ADAMTSL1: variants seen among roughly 807,000 people sequenced by gnomAD.
The protein encoded by ADAMTSL1 is ADAMTS like 1.
A neutral mutation model predicts 201.8 loss-of-function variants in ADAMTSL1; 126 were observed. The observed-to-expected ratio is 0.62, with a 90% CI of 0.54 to 0.72. The LOEUF (loss-of-function observed/expected upper bound fraction) is 0.72, where lower values mean the gene tolerates loss of function less well. ADAMTSL1 is among the 30% of genes least tolerant of loss of function. The probability of loss-of-function intolerance (pLI) is 0.00; values close to 1 mark genes in which losing one functional copy is unlikely to be tolerated. For missense variants in ADAMTSL1, 2,679 were observed against 2,277.8 expected (o/e 1.18, Z -3.59); for synonymous variants, 1,121 against 903.4 (o/e 1.24, Z -4.32).
chr9:18,243,997 T>C (rs1302232843), intron 2 of ADAMTSL1, among the ~76,000 whole-genome samples: 2 of 152,106 alleles, frequency 1.3e-5, no homozygotes, highest in African/African-American at 4.8e-5. Flanking sequence ...ACCTCTGATA[T>C]GATTTTGCAT....
At chr9:18,294,964 C>A (rs1299872944) in intron 2 of ADAMTSL1, among the ~76,000 whole-genome samples, 3 of 152,124 alleles carry the variant, frequency 2.0e-5, no homozygotes, top group Admixed American at 2.0e-4. Flanking sequence ...TGCTCTCTTT[C>A]TCCCTTCCTC....
chr9:18,352,516 T>C (rs947177735), intron 2 of ADAMTSL1, among the ~76,000 whole-genome samples: 1 of 152,224 alleles, frequency 6.6e-6, no homozygotes, highest in African/African-American at 2.4e-5. Flanking sequence ...GTCTTCTCTC[T>C]GGACAGCCAG....
chr9:18,331,746 A>G (rs1017526209), intron 2 of ADAMTSL1, among the ~76,000 whole-genome samples: 1 of 152,200 alleles, frequency 6.6e-6, no homozygotes, highest in Non-Finnish European at 1.5e-5. Context: ...TAGCTTTCCT[A>G]AATCAGATGC....
At chr9:18,201,702 T>C (rs940432548) in intron 2 of ADAMTSL1, among the ~76,000 whole-genome samples, 6 of 152,122 alleles carry the variant, frequency 3.9e-5, no homozygotes, top group Admixed American at 2.0e-4. Context: ...CTCATTCTTA[T>C]AGTGTAATAT....
At chr9:17,961,948 A>G (rs1343810309) in intron 1 of ADAMTSL1, among the ~76,000 whole-genome samples, 1 of 152,192 alleles carries the variant, frequency 6.6e-6, no homozygotes, top group African/African-American at 2.4e-5. Context: ...ATCCAAAAAC[A>G]TAGTAGCATT....
chr9:18,712,997 C>T (rs907049319), intron 14 of ADAMTSL1, among the ~76,000 whole-genome samples: 5 of 151,634 alleles, frequency 3.3e-5, no homozygotes, highest in East Asian at 1.9e-4. Flanking sequence ...TCCAGCCAAA[C>T]TAAGCTTCAT....
chr9:18,808,892 G>A (rs192394345), intron 20 of ADAMTSL1, among the ~76,000 whole-genome samples: 13 of 152,300 alleles, frequency 8.5e-5, no homozygotes, highest in African/African-American at 3.1e-4. Flanking sequence ...CTGAGTCTGA[G>A]TTCTTTGTGT....
At chr9:18,175,829 G>T (rs2132146943) in intron 2 of ADAMTSL1, among the ~76,000 whole-genome samples, 1 of 151,990 alleles carries the variant, frequency 6.6e-6, no homozygotes, top group African/African-American at 2.4e-5. Flanking sequence ...CTGCCTGGAA[G>T]ACTCTACACA....
intron 4 of ADAMTSL1, among the ~76,000 whole-genome samples, chr9:18,577,829 A>G (rs1189254341): frequency 6.6e-6 from 1 of 152,176 alleles, no homozygotes; most frequent in African/African-American, 2.4e-5. Flanking sequence ...TAAAAAAAAC[A>G]AAAAGAGACC....
At chr9:18,778,138 A>G (rs1304559146) in intron 19 of ADAMTSL1, among the ~76,000 whole-genome samples, 1 of 152,262 alleles carries the variant, frequency 6.6e-6, no homozygotes, top group African/African-American at 2.4e-5. Flanking sequence ...GGAAATAGCA[A>G]CATTGCCTAC....
At chr9:18,464,712 C>T (rs1820935345) in intron 2 of ADAMTSL1, among the ~76,000 whole-genome samples, 1 of 152,188 alleles carries the variant, frequency 6.6e-6, no homozygotes, top group Admixed American at 6.5e-5. Context: ...TTCATAATTA[C>T]AGTGTTTTAT....
intron 15 of ADAMTSL1, among the ~76,000 whole-genome samples, chr9:18,740,626 A>C (rs529839852): frequency 6.6e-6 from 1 of 151,518 alleles, no homozygotes; most frequent in African/African-American, 2.4e-5. Flanking sequence ...ACAGGCACAC[A>C]ACACCAAGCC....
chr9:18,152,122 A>G (rs1335631095), intron 1 of ADAMTSL1, among the ~76,000 whole-genome samples: 1 of 152,118 alleles, frequency 6.6e-6, no homozygotes, highest in Non-Finnish European at 1.5e-5. Context: ...TGAAGGACCT[A>G]AGATTCAGTT....
At chr9:18,354,713 G>C (rs1836130306) in intron 2 of ADAMTSL1, among the ~76,000 whole-genome samples, 1 of 152,082 alleles carries the variant, frequency 6.6e-6, no homozygotes, top group South Asian at 2.1e-4. Flanking sequence ...CACACCTGTA[G>C]TCCCAGCACT....
At chr9:18,213,338 T>C (rs1185344546) in intron 2 of ADAMTSL1, among the ~76,000 whole-genome samples, 9 of 152,196 alleles carry the variant, frequency 5.9e-5, no homozygotes, top group African/African-American at 2.2e-4. Flanking sequence ...AACGGACATT[T>C]TCAGGGATTG....
chr9:17,953,044 T>G (rs1408948112), intron 1 of ADAMTSL1, among the ~76,000 whole-genome samples: 3 of 151,740 alleles, frequency 2.0e-5, no homozygotes, highest in Non-Finnish European at 4.4e-5. Flanking sequence ...TTTTTTTTTT[T>G]TGGAATCACA....
chr9:18,584,243 C>T (rs1823316847), intron 4 of ADAMTSL1, among the ~76,000 whole-genome samples: 1 of 152,046 alleles, frequency 6.6e-6, no homozygotes, highest in Non-Finnish European at 1.5e-5. Context: ...GCGCTGTTCT[C>T]GTGGTAGTGA....
At chr9:18,068,704 T>G (rs185709949) in intron 1 of ADAMTSL1, among the ~76,000 whole-genome samples, 2 of 152,310 alleles carry the variant, frequency 1.3e-5, no homozygotes, top group East Asian at 3.9e-4. Flanking sequence ...AATCTAGAAA[T>G]TTTAATATAT....
chr9:18,513,295 C>T (rs1164275295), intron 2 of ADAMTSL1, among the ~76,000 whole-genome samples: 2 of 152,180 alleles, frequency 1.3e-5, no homozygotes, highest in Non-Finnish European at 2.9e-5. Context: ...CCTTGAATGG[C>T]AAGTACTATT....
Sources: gnomAD v4.1 joint callset for allele counts (sites outside exome capture counted in the v4.1 genomes callset) on GRCh38, gnomAD v4.1.1 for gene constraint, MANE v1.5 for transcripts, NCBI Gene and HGNC (gene_info 2026-07-23, HGNC 2026-07-21) for gene names.